SLC7A11: variants seen among roughly 807,000 people sequenced by gnomAD.
SLC7A11 encodes the protein solute carrier family 7 member 11, also known as cystine/glutamate transporter.
A neutral mutation model predicts 54.5 loss-of-function variants in SLC7A11; 35 were observed. The ratio of observed to expected loss-of-function variants is 0.64; its 90% CI spans 0.49 to 0.85. The LOEUF (loss-of-function observed/expected upper bound fraction) is 0.85, where lower values mean the gene tolerates loss of function less well. Among genes scored for constraint, SLC7A11 ranks in the 40% least tolerant of loss-of-function variants. The pLI, the probability that SLC7A11 is intolerant of heterozygous loss-of-function variation, is 0.00. For synonymous variants in SLC7A11, 230 were observed against 225.2 expected, an observed-to-expected ratio of 1.02 and a Z score of -0.19; for missense variants, 583 against 618.1, an observed-to-expected ratio of 0.94 and a Z score of 0.60.
chr4:138,183,371 A>G, intron 7 of SLC7A11, 66 bp from the exon 8 acceptor site: 1 of 1,047,128 alleles, frequency 9.5e-7, no homozygotes, highest in Non-Finnish European at 1.5e-6. Context: ...GAAACAATTT[A>G]GGCCAAACTT....
chr4:138,196,860 A>G (rs1402373648), intron 6 of SLC7A11, among the ~76,000 whole-genome samples: 4 of 152,042 alleles, frequency 2.6e-5, no homozygotes, highest in Admixed American at 6.6e-5. Context: ...GGGTTTCACC[A>G]TGTTGGCCAG....
Position 138,166,259 on chromosome 4 carries a change from A to T in SLC7A11, c.*5697T>A, listed in dbSNP as rs1012261878. On this transcript the variant is annotated 3_prime_UTR_variant, in exon 12 of 12. Coordinates refer to ENST00000280612, the MANE Select transcript of SLC7A11 (RefSeq NM_014331.4). The stretch of plus-strand genomic sequence containing the variant: ...AGTTAGTAGGAAAATTTGATGTCTA[A>T]ATTTTATAATACACATTTAAGTCAG... The T allele has an allele frequency of 6.6e-6, 1 of 152,166 alleles. No individual in the cohort carries two copies. The highest frequency in any genetic ancestry group is 6.5e-5 in the Admixed American group (1 of 15,276). The allele number at this position is 152,166 out of a possible 1,614,324, so 9.4% of individuals were successfully genotyped here. A position where few individuals can be genotyped will look rare whatever the true frequency, so the allele number is the denominator to read the frequency against.
intron 11 of SLC7A11, chr4:138,176,852 G>A (rs1736582805): frequency 6.6e-6 from 1 of 152,062 alleles, no homozygotes; most frequent in African/African-American, 2.4e-5. Flanking sequence ...AATGGTAAAT[G>A]GTATTTAATA....
chr4:138,235,500 C>T (rs1335507635), intron 2 of SLC7A11, among the ~76,000 whole-genome samples: 4 of 152,024 alleles, frequency 2.6e-5, no homozygotes, highest in African/African-American at 9.7e-5. Context: ...TAAAAGCTCA[C>T]ATGAACTCTC....
At chr4:138,213,125 G>A (rs1737591767) in intron 6 of SLC7A11, among the ~76,000 whole-genome samples, 1 of 152,006 alleles carries the variant, frequency 6.6e-6, no homozygotes, top group African/African-American at 2.4e-5. Flanking sequence ...TCGTAAGGTA[G>A]CTTGTCATTT....
Position 138,170,233 on chromosome 4 carries a change from A to AAGTGTGTGT in SLC7A11, c.*1722_*1723insACACACACT, listed in dbSNP as rs1491293485. ...TATATATATATATATATATATAAAA[A>AAGTGTGTGT]GTGTGTGTGTGTGTGTGTATATATA... On this transcript the variant is annotated 3_prime_UTR_variant, in exon 12 of 12. Transcript: ENST00000280612. The AAGTGTGTGT allele has an allele frequency of 5.1e-5, 5 of 98,628 alleles. No individual in the cohort carries two copies. The highest frequency in any genetic ancestry group is 7.9e-5 in the Non-Finnish European group (4 of 50,404). The allele number at this position is 98,628 out of a possible 1,614,324, so 6.1% of individuals were successfully genotyped here.
At chr4:138,187,533 G>A (rs988546438) in intron 6 of SLC7A11, among the ~76,000 whole-genome samples, 2 of 152,090 alleles carry the variant, frequency 1.3e-5, no homozygotes, top group African/African-American at 2.4e-5. Flanking sequence ...CTTGAAATTC[G>A]GGCATTTGGA....
intron 1 of SLC7A11, among the ~76,000 whole-genome samples, chr4:138,240,460 G>T (rs1020702442): frequency 6.6e-6 from 1 of 151,724 alleles, no homozygotes; most frequent in African/African-American, 2.4e-5. Context: ...CCAGCTACTC[G>T]GGAGGCTTAG....
At chr4:138,232,728 C>T (rs1738111211) in intron 2 of SLC7A11, among the ~76,000 whole-genome samples, 1 of 152,174 alleles carries the variant, frequency 6.6e-6, no homozygotes, top group South Asian at 2.1e-4. Context: ...CTCAAAAAGT[C>T]AGTAAGTAAA....
At position 138,170,324 on chromosome 4, in the gene SLC7A11, T is replaced by C. The variant is rs1465695319; in HGVS notation, c.*1632A>G. ...CACACATATATATATATATATAATC[T>C]TTTTTTTTTGGAGATGGAGTCTGAC... On this transcript the variant is annotated 3_prime_UTR_variant, in exon 12 of 12. Transcript: ENST00000280612. 1 of 137,208 alleles carries C rather than the reference T, an allele frequency of 7.3e-6. No homozygotes were observed. The highest frequency in any genetic ancestry group is 7.4e-5 in the Admixed American group (1 of 13,548). 8.5% of individuals were successfully genotyped at this position (137,208 alleles called of 1,614,324 possible).
chr4:138,237,735 ATATTTTTTTTTTTTTTTT>A (rs1330978694), intron 1 of SLC7A11, among the ~76,000 whole-genome samples: 97 of 9,192 alleles, frequency 0.011, no homozygotes, highest in South Asian at 0.021. Flanking sequence ...ATATATATAT[ATATTTTTTTTTTTTTTTT>A]TTTTTTTTTT....
At chr4:138,197,492 A>G (rs780119841) in intron 6 of SLC7A11, among the ~76,000 whole-genome samples, 61 of 152,276 alleles carry the variant, frequency 4.0e-4, no homozygotes, top group Admixed American at 1.3e-3. Flanking sequence ...AAATAAGTCA[A>G]GTTAATAAAC....
intron 1 of SLC7A11, among the ~76,000 whole-genome samples, chr4:138,236,817 C>T (rs904212937): frequency 1.3e-5 from 2 of 151,992 alleles, no homozygotes; most frequent in Admixed American, 1.3e-4. Flanking sequence ...AAGAACACAA[C>T]CTCACACCAA....
In SLC7A11 at chr4:138,169,234, AAAC is replaced by A. The variant is rs1736348326; in HGVS notation, c.*2719_*2721del. The A allele has an allele frequency of 6.6e-6, 1 of 152,018 alleles. No individual in the cohort carries two copies. Among genetic ancestry groups the A allele is most frequent in the South Asian group, 2.1e-4 (1 of 4,832 alleles). 9.4% of individuals were successfully genotyped at this position (152,018 alleles called of 1,614,324 possible). On this transcript the variant is annotated 3_prime_UTR_variant, in exon 12 of 12. Transcript: ENST00000280612. ...TATGAGAAAAATTTTACTTATATAA[AAAC>A]ATATATATAAATAAGTGTTCAGGAG...
chr4:138,234,914 A>C (rs1385893382), intron 2 of SLC7A11, among the ~76,000 whole-genome samples: 2 of 152,216 alleles, frequency 1.3e-5, no homozygotes, highest in African/African-American at 4.8e-5. Flanking sequence ...TGTTGTACAC[A>C]ATATATTGTA....
chr4:138,195,305 C>A (rs1737103742), intron 6 of SLC7A11, among the ~76,000 whole-genome samples: 1 of 152,112 alleles, frequency 6.6e-6, no homozygotes, highest in African/African-American at 2.4e-5. Flanking sequence ...TTTATCAAAA[C>A]CTTATTGCAA....
intron 6 of SLC7A11, among the ~76,000 whole-genome samples, chr4:138,190,150 C>T (rs887507890): frequency 8.6e-5 from 13 of 152,004 alleles, no homozygotes; most frequent in Non-Finnish European, 1.8e-4. Flanking sequence ...TCTGTCAAAA[C>T]CTACATTTGT....
chr4:138,183,604 A>C (rs879342484), intron 7 of SLC7A11, among the ~76,000 whole-genome samples: 1 of 152,128 alleles, frequency 6.6e-6, no homozygotes, highest in Non-Finnish European at 1.5e-5. Context: ...ATTGTCTCTG[A>C]CTCTGACAAG....
rs746515025 is a variant in SLC7A11, at chr4:138,179,286, T to G, written c.1375A>C (p.Thr459Pro). Residue 459 changes from threonine to proline, a missense_variant, in exon 11 of 12, where the codon ACT becomes CCT. Transcript: ENST00000280612. ...AAGAGATAATACGCAGGGACTCCAG[T>G]CAGAGTGATGACGAAGCCAATCCCT... ...STGIGFVITL[T>P]GVPAYYLFII... 1 of 1,612,780 alleles carries G rather than the reference T, an allele frequency of 6.2e-7. No homozygotes were observed. Among genetic ancestry groups the G allele is most frequent in the Non-Finnish European group, 8.5e-7 (1 of 1,179,124 alleles).
Sources: allele counts gnomAD v4.1 joint callset (sites outside exome capture counted in the v4.1 genomes callset), GRCh38; gene constraint gnomAD v4.1.1; transcripts MANE v1.5; gene names NCBI Gene and HGNC (gene_info 2026-07-23, HGNC 2026-07-21).